Variants in ANKRD28 observed in about 807,000 individuals in gnomAD.
ANKRD28 encodes ankyrin repeat domain 28.
Under a neutral mutation model 126.5 loss-of-function variants are expected in ANKRD28, and 44 were observed. The ratio of observed to expected loss-of-function variants is 0.35; its 90% CI spans 0.27 to 0.45. The LOEUF (loss-of-function observed/expected upper bound fraction) is 0.45, where lower values mean the gene tolerates loss of function less well. ANKRD28 is among the 20% of genes least tolerant of loss of function. ANKRD28 has a pLI of 1.00. For missense variants in ANKRD28, 1,110 were observed against 1,316.6 expected, an observed-to-expected ratio of 0.84 and a Z score of 2.43; for synonymous variants, 442 against 468.5, an observed-to-expected ratio of 0.94 and a Z score of 0.73.
At chr3:15,719,929 A>T (rs1273408226) in intron 8 of ANKRD28, among the ~76,000 whole-genome samples, 1 of 152,058 alleles carries the variant, frequency 6.6e-6, no homozygotes, top group Non-Finnish European at 1.5e-5. Context: ...GGAGGGCAGT[A>T]GCATGATCTC....
chr3:15,731,886 T>TGG (rs2074651053), intron 6 of ANKRD28: 1 of 26,742 alleles, frequency 3.7e-5, no homozygotes, highest in Admixed American at 4.9e-4. Context: ...GGGGGGGGGG[T>TGG]GTGTGGGGAG....
At chr3:15,850,700 C>T (rs1253651359) in intron 1 of ANKRD28, among the ~76,000 whole-genome samples, 1 of 152,228 alleles carries the variant, frequency 6.6e-6, no homozygotes, top group East Asian at 1.9e-4. Flanking sequence ...CTCTTTCTGC[C>T]ATACTTCACC....
intron 4 of ANKRD28, among the ~76,000 whole-genome samples, chr3:15,749,065 A>G (rs2057675414): frequency 6.7e-6 from 1 of 149,754 alleles, no homozygotes. Context: ...CTATTTCACT[A>G]AAGAATTTTC....
chr3:15,718,148 C>T (rs535618460), intron 8 of ANKRD28, among the ~76,000 whole-genome samples: 3 of 152,244 alleles, frequency 2.0e-5, no homozygotes, highest in African/African-American at 7.2e-5. Flanking sequence ...TGAAAACTCA[C>T]AGCTATCAAC....
chr3:15,671,578 G>T lies in ANKRD28; in HGVS notation c.2966-1022C>A, dbSNP rs1051588803. The stretch of plus-strand genomic sequence containing the variant: ...TCAACTTGGAGTCATAAACACTATA[G>T]TTTTTTTTTTGTTTTTTTTTTTTTG... On this transcript the variant is annotated intron_variant, in intron 27 of 27. Transcript: ENST00000683139. Among the ~76,000 whole-genome samples, 51 of 141,348 alleles carry T rather than the reference G, an allele frequency of 3.6e-4. 1 individual carries two copies. The highest frequency in any genetic ancestry group is 2.8e-3 in the Admixed American group (40 of 14,302). 92.7% of individuals were successfully genotyped at this position (141,348 alleles called of 152,430 possible). A position where few individuals can be genotyped will look rare whatever the true frequency, so the allele number is the denominator to read the frequency against.
Position 15,751,799 on chromosome 3 carries a change from T to C in ANKRD28, c.302A>G (p.Asp101Gly). 1.9e-6 allele frequency: 3 copies of C among 1,586,146 alleles called. No individual in the cohort carries two copies. The highest frequency in any genetic ancestry group is 2.6e-6 in the Non-Finnish European group (3 of 1,165,458). ...GTGTAAAGGTGTCAACCATTTGCTG[T>C]CTTTGGCATTAACTCTAGCTCCTGC... The part of the protein sequence containing the change: ...ILSGARVNAK[D>G]SKWLTPLHRA... Residue 101 changes from aspartate to glycine, a missense_variant, in exon 4 of 28, where the codon GAC becomes GGC. By Grantham distance (94) the Asp-to-Gly change is moderately conservative. Transcript: ENST00000683139.
At chr3:15,759,020 G>A (rs2058317891) in intron 3 of ANKRD28, among the ~76,000 whole-genome samples, 1 of 152,202 alleles carries the variant, frequency 6.6e-6, no homozygotes, top group African/African-American at 2.4e-5. Context: ...TTGAATGCAA[G>A]CATTAAGTGA....
intron 14 of ANKRD28, among the ~76,000 whole-genome samples, chr3:15,698,560 A>G (rs1182032666): frequency 2.0e-5 from 3 of 152,228 alleles, no homozygotes; most frequent in African/African-American, 7.2e-5. Context: ...TACAAAATCA[A>G]TGTGCGAAAA....
chr3:15,856,808 C>G (rs186360366), intron 1 of ANKRD28, among the ~76,000 whole-genome samples: 26 of 152,298 alleles, frequency 1.7e-4, no homozygotes, highest in African/African-American at 6.3e-4. Flanking sequence ...AAAAACAACC[C>G]TTTTGCATTT....
intron 14 of ANKRD28, among the ~76,000 whole-genome samples, chr3:15,704,473 T>C (rs1026033004): frequency 6.6e-5 from 10 of 152,116 alleles, no homozygotes; most frequent in African/African-American, 2.4e-4. Context: ...GCTTTAAAGG[T>C]AGAAACTGTG....
chr3:15,690,172 A>C lies in ANKRD28; in HGVS notation c.1810T>G (p.Leu604Val). 6.2e-7 allele frequency: 1 copy of C among 1,608,642 alleles called. No individual in the cohort carries two copies. The highest frequency in any genetic ancestry group is 8.5e-7 in the Non-Finnish European group (1 of 1,177,280). The change falls in exon 18 of 28, where the codon TTA (leucine) becomes GTA (valine). Residue 604 changes from leucine (L) to valine (V), a missense_variant. By Grantham distance (32) the Leu-to-Val change is conservative. Transcript: ENST00000683139. ...CTACTATTTCTGACATCAAGATCTAACAAAGACTGTACCAACACTTCCAGT... is the reference window on the plus strand; with the variant it reads ...CTACTATTTCTGACATCAAGATCTACCAAAGACTGTACCAACACTTCCAGT... ...QALEVLVQSL[L>V]DLDVRNSSGR...
chr3:15,768,402 T>C (rs1416980280), intron 2 of ANKRD28, among the ~76,000 whole-genome samples: 6 of 152,176 alleles, frequency 3.9e-5, no homozygotes, highest in Non-Finnish European at 7.4e-5. Flanking sequence ...TATCTTAACA[T>C]TTGGGAGGCT....
At chr3:15,834,484 T>C (rs2061278602) in intron 1 of ANKRD28, among the ~76,000 whole-genome samples, 1 of 152,160 alleles carries the variant, frequency 6.6e-6, no homozygotes, top group African/African-American at 2.4e-5. Flanking sequence ...TCAGATAATG[T>C]GATGCCTCCA....
In ANKRD28 at chr3:15,830,604, T is replaced by C. The variant is rs908434555; in HGVS notation, c.27+28773A>G. On this transcript the variant is annotated intron_variant, in intron 1 of 27. Coordinates refer to the ANKRD28 transcript ENST00000399451. This position sits in a 1 kb window ranked among gnomAD's most constrained non-coding sequence, Gnocchi z 4.5. ...CACCGCACCCCCATCCACGGAAAAATTGTCTTCCACGAAACTGGTCCCTGG... is the reference window on the plus strand; with the variant it reads ...CACCGCACCCCCATCCACGGAAAAACTGTCTTCCACGAAACTGGTCCCTGG... Among the ~76,000 whole-genome samples the C allele has an allele frequency of 2.1e-5, 3 of 142,746 alleles. No individual in the cohort carries two copies. Among genetic ancestry groups the C allele is most frequent in the African/African-American group, 7.9e-5 (3 of 38,204 alleles). 93.6% of individuals were successfully genotyped at this position (142,746 alleles called of 152,430 possible).
At chr3:15,705,353 G>A (rs375575361) in intron 14 of ANKRD28, among the ~76,000 whole-genome samples, 58 of 152,236 alleles carry the variant, frequency 3.8e-4, no homozygotes, top group African/African-American at 1.4e-3. Flanking sequence ...TTCAGGTTTA[G>A]TGCATTTGTC....
intron 18 of ANKRD28, among the ~76,000 whole-genome samples, chr3:15,688,149 T>C (rs1341263494): frequency 6.6e-6 from 1 of 152,234 alleles, no homozygotes; most frequent in Non-Finnish European, 1.5e-5. Context: ...CAGTTCAATA[T>C]TTACCTATTG....
intron 27 of ANKRD28, among the ~76,000 whole-genome samples, chr3:15,674,739 T>C (rs2125629830): frequency 6.6e-6 from 1 of 152,072 alleles, no homozygotes; most frequent in South Asian, 2.1e-4. Flanking sequence ...TAAAAGAAAT[T>C]AAGAAGGAAT....
chr3:15,686,714 G>T (rs899807426), intron 18 of ANKRD28, among the ~76,000 whole-genome samples: 2 of 152,222 alleles, frequency 1.3e-5, no homozygotes, highest in Non-Finnish European at 2.9e-5. Flanking sequence ...GAGCAGCACA[G>T]GAACCAGGTC....
chr3:15,789,681 A>G (rs2059938751), intron 2 of ANKRD28, among the ~76,000 whole-genome samples: 1 of 152,100 alleles, frequency 6.6e-6, no homozygotes, highest in Non-Finnish European at 1.5e-5. Flanking sequence ...GTCAATTATT[A>G]TATCTGTGGC....
Sources: gnomAD v4.1 joint callset for allele counts (sites outside exome capture counted in the v4.1 genomes callset) on GRCh38, gnomAD v4.1.1 for gene constraint, Gnocchi (gnomAD v3.1) non-coding constraint, MANE v1.5 for transcripts, NCBI Gene and HGNC (gene_info 2026-07-23, HGNC 2026-07-21) for gene names.